The following IFNA6 variants were observed in gnomAD, a reference collection of about 807,000 sequenced individuals.
IFNA6 encodes the protein interferon alpha-6.
For synonymous variants in IFNA6, 96 were observed against 79.2 expected, an observed-to-expected ratio of 1.21 and a Z score of -1.13; for missense variants, 235 against 212.4, an observed-to-expected ratio of 1.11 and a Z score of -0.66.
exon 1 of IFNA6, chr9:21,350,480 A>G (rs1820436201): frequency 6.2e-7 from 1 of 1,614,052 alleles, no homozygotes; most frequent in Non-Finnish European, 8.5e-7. Context: ...TGGAGTCCTC[A>G]TTCATCAGGG....
At chr9:21,350,336 C>T (rs577977593) in exon 1 of IFNA6, 63 of 1,471,156 alleles carry the variant, frequency 4.3e-5, no homozygotes, top group Admixed American at 1.3e-4. Flanking sequence ...TCCTCCTTAA[C>T]CTTTCTTGCA....
exon 1 of IFNA6, chr9:21,350,609 T>C (rs1820439390): frequency 1.2e-6 from 2 of 1,613,990 alleles, no homozygotes; most frequent in Non-Finnish European, 8.5e-7. Context: ...ATGAGTCCTT[T>C]GTGCTGAAGA....
chr9:21,350,749 T>G (rs190705153), exon 1 of IFNA6: 1 of 1,613,992 alleles, frequency 6.2e-7, no homozygotes, highest in East Asian at 2.2e-5. Flanking sequence ...AAAAGAGAGA[T>G]TCTCCTCATT....
the IFNA6 span, chr9:21,350,501 C>CA: frequency 6.2e-7 from 1 of 1,614,034 alleles, no homozygotes; most frequent in African/African-American, 1.3e-5. Context: ...GAGTCCCTCC[C>CA]ACCCACACCT....
chr9:21,350,519 C>T, exon 1 of IFNA6: 1 of 1,614,004 alleles, frequency 6.2e-7, no homozygotes, highest in African/African-American at 1.3e-5. Context: ...CCTCCTGCAT[C>T]ACACAGGCTT....
chr9:21,350,801 G>A, exon 1 of IFNA6: 2 of 1,613,900 alleles, frequency 1.2e-6, no homozygotes, highest in Non-Finnish European at 1.7e-6. Flanking sequence ...CCAGGCTGTG[G>A]GTCTGAGGCA....
chr9:21,350,812 G>A (rs868588095), exon 1 of IFNA6: 5 of 1,613,994 alleles, frequency 3.1e-6, no homozygotes, highest in Non-Finnish European at 4.2e-6. Flanking sequence ...GTCTGAGGCA[G>A]ATCACAGTCC....
At chr9:21,350,689 C>A in exon 1 of IFNA6, 1 of 1,614,058 alleles carries the variant, frequency 6.2e-7, no homozygotes, top group Non-Finnish European at 8.5e-7. Flanking sequence ...TGGTTGCCAT[C>A]AAACTCCTCC....
exon 1 of IFNA6, chr9:21,350,459 C>G: frequency 1.9e-6 from 3 of 1,614,038 alleles, no homozygotes; most frequent in African/African-American, 2.7e-5. Context: ...AGTATTTTCT[C>G]ACAGCCAGGA....
the IFNA6 span, chr9:21,350,515 G>A: frequency 6.2e-7 from 1 of 1,613,984 alleles, no homozygotes; most frequent in South Asian, 1.1e-5. Context: ...CACACCTCCT[G>A]CATCACACAG....
At chr9:21,350,793 A>G (rs1295067513) in exon 1 of IFNA6, 1 of 1,614,022 alleles carries the variant, frequency 6.2e-7, no homozygotes, top group Non-Finnish European at 8.5e-7. Context: ...CCTGTGACCC[A>G]GGCTGTGGGT....
exon 1 of IFNA6, chr9:21,350,887 T>C (rs199909475): frequency 1.9e-5 from 30 of 1,612,964 alleles, no homozygotes; most frequent in South Asian, 1.2e-4. Flanking sequence ...GGCAAAGCCA[T>C]TGTAGATGTT....
rs577977593 is a variant in IFNA6 at position 21,350,336 on chromosome 9, C to A, written c.552G>T (p.Arg184Ser). Residue 184 changes from arginine to serine, a missense_variant, in exon 1 of 1, where the codon AGG becomes AGT. Arg to Ser is a moderately radical substitution (Grantham distance 110). Coordinates refer to ENST00000380210, the Ensembl canonical transcript of IFNA6. ...TCAGGTCTTATTCCTTCCTCCTTAA[C>A]CTTTCTTGCAAGTTTCTTGATGAAG... is the stretch of plus-strand genomic sequence containing the variant. The A allele has an allele frequency of 1.3e-4, 196 of 1,470,936 alleles. 1 individual carries two copies. In the South Asian group the frequency reaches 1.4e-3, roughly 10 times the overall value. The allele number at this position is 1,470,936 out of a possible 1,614,324, so 91.1% of individuals were successfully genotyped here.
chr9:21,350,739 A>G, exon 1 of IFNA6: 1 of 1,613,982 alleles, frequency 6.2e-7, no homozygotes, highest in Non-Finnish European at 8.5e-7. Context: ...CAGACAGGAG[A>G]AAAGAGAGAT....
exon 1 of IFNA6, chr9:21,350,684 G>T (rs1286464865): frequency 6.2e-7 from 1 of 1,614,002 alleles, no homozygotes; most frequent in Admixed American, 1.7e-5. Context: ...GGAACTGGTT[G>T]CCATCAAACT....
At chr9:21,350,650 G>T in exon 1 of IFNA6, 2 of 1,614,022 alleles carry the variant, frequency 1.2e-6, no homozygotes, top group East Asian at 2.2e-5. Context: ...ACCTCATGGA[G>T]GACAGAGATG....
chr9:21,350,776 T>G, exon 1 of IFNA6: 1 of 1,614,002 alleles, frequency 6.2e-7, no homozygotes, highest in South Asian at 1.1e-5. Context: ...AGGAGCATCA[T>G]GGTCCTCCTG....
chr9:21,350,679 T>G, exon 1 of IFNA6: 1 of 1,614,054 alleles, frequency 6.2e-7, no homozygotes, highest in Non-Finnish European at 8.5e-7. Flanking sequence ...CTTCTGGAAC[T>G]GGTTGCCATC....
chr9:21,350,459 C>T (rs1013167152), exon 1 of IFNA6: 1 of 1,614,038 alleles, frequency 6.2e-7, no homozygotes, highest in Non-Finnish European at 8.5e-7. Flanking sequence ...AGTATTTTCT[C>T]ACAGCCAGGA....
Sources: allele counts gnomAD v4.1 joint callset, GRCh38; gene constraint gnomAD v4.1.1; transcripts MANE v1.5; gene names NCBI Gene and HGNC (gene_info 2026-07-23, HGNC 2026-07-21).